TMEM116: variants seen among roughly 807,000 people sequenced by gnomAD.
TMEM116 encodes transmembrane protein 116.
TMEM116 carries 38 observed loss-of-function variants against 44.3 expected under a neutral mutation model. The observed-to-expected ratio is 0.86, with a 90% confidence interval of 0.66 to 1.12. TMEM116 has a LOEUF of 1.12. Ranked by LOEUF, TMEM116 falls within the 50% of genes most tolerant of loss-of-function variation. The pLI is 0.00. For synonymous variants in TMEM116, 132 were observed against 144.8 expected (o/e 0.91, Z 0.64); for missense variants, 354 against 401.7 (o/e 0.88, Z 1.01).
At chr12:111,966,893 G>A (rs1225337092) in intron 4 of TMEM116, among the ~76,000 whole-genome samples, 1 of 152,144 alleles carries the variant, frequency 6.6e-6, no homozygotes, top group African/African-American at 2.4e-5. Context: ...AGACCAGCTT[G>A]GTCAGCCTAT....
chr12:111,982,014 T>C (rs2075968593), intron 4 of TMEM116, among the ~76,000 whole-genome samples: 1 of 152,150 alleles, frequency 6.6e-6, no homozygotes, highest in East Asian at 1.9e-4. Context: ...AGAATGGTGA[T>C]TACCAAGAAC....
In TMEM116 at chr12:111,958,277, TAAAAAAAAAAAAA is replaced by T. The variant is rs61637468; in HGVS notation, c.211-14921_211-14909del. Among the ~76,000 whole-genome samples, 114 of 27,524 alleles carry T rather than the reference TAAAAAAAAAAAAA, an allele frequency of 4.1e-3. 1 individual carries two copies. In the South Asian group the frequency reaches 0.07, roughly 17 times the overall value. 18.1% of individuals were successfully genotyped at this position (27,524 alleles called of 152,430 possible). On this transcript the variant is annotated intron_variant, in intron 4 of 10. Transcript: ENST00000552374. ...ACACCCACGAATGATCAATAAATAC[TAAAAAAAAAAAAA>T]AAAAAAAAAAAAAAAAAATAGGAGG...
intron 3 of TMEM116, among the ~76,000 whole-genome samples, chr12:111,994,477 G>A (rs1163692463): frequency 6.6e-6 from 1 of 152,198 alleles, no homozygotes; most frequent in Non-Finnish European, 1.5e-5. Flanking sequence ...TGCCGCCAAT[G>A]CACTGGATAT....
At chr12:112,010,435 A>T (rs1277653130) in intron 1 of TMEM116, 2 of 152,274 alleles carry the variant, frequency 1.3e-5, no homozygotes, top group Admixed American at 1.3e-4. Context: ...TGAACAAGAC[A>T]AAGATGAACT....
intron 4 of TMEM116, among the ~76,000 whole-genome samples, chr12:111,945,783 T>C (rs2073227709): frequency 6.6e-6 from 1 of 152,178 alleles, no homozygotes; most frequent in African/African-American, 2.4e-5. Context: ...TTTATAATTG[T>C]ACAACTTATA....
chr12:111,976,016 T>TTTG (rs2075648414), intron 4 of TMEM116, among the ~76,000 whole-genome samples: 3 of 152,190 alleles, frequency 2.0e-5, no homozygotes, highest in Admixed American at 6.5e-5. Context: ...TGTTTTTGTT[T>TTTG]TTGAGATGGA....
chr12:111,955,287 G>A (rs958196394), intron 4 of TMEM116, among the ~76,000 whole-genome samples: 4 of 152,108 alleles, frequency 2.6e-5, no homozygotes, highest in Non-Finnish European at 2.9e-5. Flanking sequence ...CTAGATCCCT[G>A]TGTCTGAGTG....
chr12:111,997,961 A>C (rs2136673355), intron 3 of TMEM116, among the ~76,000 whole-genome samples: 1 of 152,338 alleles, frequency 6.6e-6, no homozygotes, highest in East Asian at 1.9e-4. Context: ...ATAAGTTTAT[A>C]ACTGTTAAGA....
intron 3 of TMEM116, among the ~76,000 whole-genome samples, chr12:111,997,087 G>A (rs1179087344): frequency 6.6e-6 from 1 of 152,182 alleles, no homozygotes; most frequent in African/African-American, 2.4e-5. Context: ...AGAGGTGAGA[G>A]GGAGAGCTGT....
At chr12:112,007,031 G>C (rs570170910) in intron 1 of TMEM116, among the ~76,000 whole-genome samples, 1 of 152,234 alleles carries the variant, frequency 6.6e-6, no homozygotes, top group South Asian at 2.1e-4. Flanking sequence ...CTTGAGGCCA[G>C]GAGTTTGAGG....
intron 3 of TMEM116, among the ~76,000 whole-genome samples, 183 bp from the exon 4 acceptor site, chr12:111,992,072 T>C (rs2076640963): frequency 6.6e-6 from 1 of 152,156 alleles, no homozygotes; most frequent in Non-Finnish European, 1.5e-5. Flanking sequence ...CTATAACCAC[T>C]ATAACCACAG....
At chr12:111,974,080 TC>T (rs2075516235) in intron 4 of TMEM116, among the ~76,000 whole-genome samples, 1 of 151,644 alleles carries the variant, frequency 6.6e-6, no homozygotes, top group Non-Finnish European at 1.5e-5. Context: ...CCAGTGATCA[TC>T]TAAATAGGTA....
chr12:111,966,879 T>C (rs145197396), intron 4 of TMEM116, among the ~76,000 whole-genome samples: 82 of 152,320 alleles, frequency 5.4e-4, no homozygotes, highest in African/African-American at 1.9e-3. Flanking sequence ...TCTAATGCCT[T>C]AACAGACCAG....
intron 4 of TMEM116, among the ~76,000 whole-genome samples, chr12:111,953,256 C>G (rs759591136): frequency 3.9e-5 from 6 of 152,184 alleles, no homozygotes; most frequent in Non-Finnish European, 8.8e-5. Flanking sequence ...ACACTAACTC[C>G]TAGTCACCAA....
intron 5 of TMEM116, among the ~76,000 whole-genome samples, chr12:111,942,762 A>ATGTGTATGTG (rs1178343894): frequency 2.0e-5 from 3 of 151,222 alleles, no homozygotes; most frequent in Non-Finnish European, 4.4e-5. Flanking sequence ...TCAAACCTGT[A>ATGTGTATGTG]TGTGTATGTG....
rs60431093 is a variant in TMEM116 at position 111,996,039 on chromosome 12, C to CAA, written c.79-4152_79-4151dup. 8.0e-3 allele frequency among the ~76,000 whole-genome samples: 424 copies of CAA among 52,710 alleles called. 4 individuals carry two copies. Among genetic ancestry groups the CAA allele is most frequent in the African/African-American group, 0.021 (341 of 16,002 alleles). 34.6% of individuals were successfully genotyped at this position (52,710 alleles called of 152,430 possible). ...AGGGAAACAGAACAAGACCCTGTCTCAAAAAAAAAAAAAAAAAAAAAAATC... is the reference window on the plus strand; with the variant it reads ...AGGGAAACAGAACAAGACCCTGTCTCAAAAAAAAAAAAAAAAAAAAAAAAATC... On this transcript the variant is annotated intron_variant, in intron 3 of 10. Coordinates refer to ENST00000552374, the MANE Select transcript of TMEM116 (RefSeq NM_001193531.2).
chr12:111,938,084 C>T (rs755966400), intron 6 of TMEM116, 77 bp downstream of exon 6: 80 of 923,286 alleles, frequency 8.7e-5, no homozygotes, highest in Admixed American at 3.8e-4. Flanking sequence ...ATAAAGGGCA[C>T]TGTCCTATTT....
At chr12:111,993,726 TC>T in intron 3 of TMEM116, 1 of 650,330 alleles carries the variant, frequency 1.5e-6, no homozygotes, top group Non-Finnish European at 3.0e-6. Flanking sequence ...AGTTTGTGGT[TC>T]GGAAGCCCTG....
Position 111,931,778 on chromosome 12 carries a change from C to A in TMEM116, c.857G>T (p.Trp286Leu). 2 of 1,591,312 alleles carry A rather than the reference C, an allele frequency of 1.3e-6. No homozygotes were observed. The highest frequency in any genetic ancestry group is 1.7e-6 in the Non-Finnish European group (2 of 1,169,498). Reference sequence around the variant, plus strand: ...TAGTTGGTGGAATTTGTGCTGCGTCCAGCCATATACTCCACAGTTGAGTAG... The same window carrying A: ...TAGTTGGTGGAATTTGTGCTGCGTCAAGCCATATACTCCACAGTTGAGTAG... The part of the protein sequence containing the change: ...QGLLNCGVYG[W>L]TQHKFHQLKQ... Residue 286 changes from tryptophan (W) to leucine (L), a missense_variant, in exon 11 of 11, where the codon TGG (tryptophan) becomes TTG (leucine). Transcript: ENST00000552374.
Sources: allele counts gnomAD v4.1 joint callset (sites outside exome capture counted in the v4.1 genomes callset), GRCh38; gene constraint gnomAD v4.1.1; transcripts MANE v1.5; gene names NCBI Gene and HGNC (gene_info 2026-07-23, HGNC 2026-07-21).